Variants in FOXP1 observed in about 807,000 individuals in gnomAD.
FOXP1 encodes the protein forkhead box protein P1.
FOXP1 carries 15 observed loss-of-function variants against 98.2 expected under a neutral mutation model. That is an observed-to-expected ratio of 0.15 (90% CI 0.10 to 0.24). FOXP1 has a LOEUF of 0.24. FOXP1 is among the 10% of genes least tolerant of loss of function. FOXP1 has a pLI of 1.00. For missense variants in FOXP1, 633 were observed against 848.5 expected, an observed-to-expected ratio of 0.75 and a Z score of 3.15; for synonymous variants, 371 against 314.5, an observed-to-expected ratio of 1.18 and a Z score of -1.90.
intron 2 of FOXP1, among the ~76,000 whole-genome samples, chr3:71,552,336 C>T (rs768946724): frequency 6.6e-6 from 1 of 151,908 alleles, no homozygotes; most frequent in Non-Finnish European, 1.5e-5. Flanking sequence ...GAACTATGTA[C>T]ATATTAAAAA....
chr3:71,214,971 G>C (rs960059753), intron 5 of FOXP1, among the ~76,000 whole-genome samples: 8 of 152,304 alleles, frequency 5.3e-5, no homozygotes, highest in South Asian at 4.1e-4. Flanking sequence ...ACTACACAAA[G>C]CATGGTTCTG....
intron 2 of FOXP1, chr3:71,570,458 C>A (rs1228713477): frequency 6.6e-6 from 1 of 152,224 alleles, no homozygotes; most frequent in Non-Finnish European, 1.5e-5. Flanking sequence ...CTCTTTCAGC[C>A]TCCACTCAGC....
At position 71,112,520 on chromosome 3, in the gene FOXP1, G is replaced by GA; in HGVS notation, c.282+15dup. 6.3e-7 allele frequency: 1 copy of GA among 1,591,560 alleles called. No homozygotes were observed. The highest frequency in any genetic ancestry group is 8.6e-7 in the Non-Finnish European group (1 of 1,159,636). Reference sequence around the variant, plus strand: ...AAAGGGTATAATGTCAATTTAAAAAGAAAAAGAATTGTTACCTGAAGAGCT... The same window carrying GA: ...AAAGGGTATAATGTCAATTTAAAAAGAAAAAAGAATTGTTACCTGAAGAGCT... On this transcript the variant is annotated intron_variant, in intron 7 of 20. Coordinates refer to ENST00000649528, the MANE Select transcript of FOXP1 (RefSeq NM_001349338.3).
chr3:71,176,562 T>C (rs2061947665), intron 6 of FOXP1, among the ~76,000 whole-genome samples: 1 of 151,954 alleles, frequency 6.6e-6, no homozygotes. Context: ...CTGCCGAATT[T>C]CTGCTATTTC....
intron 3 of FOXP1, among the ~76,000 whole-genome samples, chr3:71,401,627 C>T (rs946822756): frequency 2.0e-5 from 3 of 152,146 alleles, no homozygotes; most frequent in East Asian, 1.9e-4. Flanking sequence ...AAAAGGGATG[C>T]GGGAGAGAGC....
chr3:71,174,330 G>A (rs1232452799), intron 6 of FOXP1, among the ~76,000 whole-genome samples: 1 of 152,102 alleles, frequency 6.6e-6, no homozygotes, highest in African/African-American at 2.4e-5. Context: ...CCCAGCTACT[G>A]GGGAGGGTGA....
At chr3:71,441,692 C>T (rs773392676) in intron 3 of FOXP1, among the ~76,000 whole-genome samples, 11 of 152,188 alleles carry the variant, frequency 7.2e-5, no homozygotes, top group South Asian at 2.1e-4. Context: ...ACCTCTGCTT[C>T]GTAAACCCTC....
At chr3:71,581,192 C>G (rs2048133743) in intron 2 of FOXP1, 3 of 985,112 alleles carry the variant, frequency 3.0e-6, no homozygotes, top group Non-Finnish European at 3.6e-6. Context: ...TGTAATCAGC[C>G]CAGCAAGGGT....
intron 6 of FOXP1, among the ~76,000 whole-genome samples, chr3:71,162,958 C>T (rs1185842030): frequency 6.6e-6 from 1 of 152,160 alleles, no homozygotes; most frequent in African/African-American, 2.4e-5. Flanking sequence ...TGTCTTTCCC[C>T]ATTAGAAGAT....
chr3:71,575,231 A>G (rs1381328934), intron 2 of FOXP1, among the ~76,000 whole-genome samples: 1 of 152,218 alleles, frequency 6.6e-6, no homozygotes, highest in Non-Finnish European at 1.5e-5. Flanking sequence ...ATTAAAAACA[A>G]CACAGGATGG....
At position 71,564,868 on chromosome 3, in the gene FOXP1, A is replaced by G. The variant is rs547062161; in HGVS notation, c.-298+16681T>C. On this transcript the variant is annotated intron_variant, in intron 2 of 20. Transcript: ENST00000649528. ...AGTGGCTCAGGCCTGTAATCTCAGC[A>G]CTTTGGGAGGCTGAGGTGGGTGGAT... Among the ~76,000 whole-genome samples, 10 of 152,282 alleles carry G rather than the reference A, an allele frequency of 6.6e-5. No homozygotes were observed. The South Asian group carries it at 1.7e-3, about 25-fold the overall frequency.
chr3:71,262,442 G>C (rs1182481733), intron 5 of FOXP1, among the ~76,000 whole-genome samples: 1 of 151,354 alleles, frequency 6.6e-6, no homozygotes, highest in Non-Finnish European at 1.5e-5. Flanking sequence ...AATACTTCCA[G>C]AAATAAATAA....
chr3:71,260,652 C>A (rs1019966624), intron 5 of FOXP1, among the ~76,000 whole-genome samples: 9 of 151,722 alleles, frequency 5.9e-5, no homozygotes, highest in African/African-American at 2.2e-4. Context: ...AAGCAATTCT[C>A]CTGCCCCAGC....
chr3:71,086,191 T>A (rs2055078913), intron 7 of FOXP1, among the ~76,000 whole-genome samples: 1 of 152,174 alleles, frequency 6.6e-6, no homozygotes, highest in South Asian at 2.1e-4. Flanking sequence ...TTGAAATCCA[T>A]CACAACTGTA....
At chr3:71,139,040 A>C (rs549239930) in intron 6 of FOXP1, among the ~76,000 whole-genome samples, 4 of 152,386 alleles carry the variant, frequency 2.6e-5, no homozygotes, top group African/African-American at 9.6e-5. Context: ...AAATAAAAAT[A>C]CAAATGCAAG....
In FOXP1 at chr3:71,406,403, G is replaced by GTATATATATATATA. The variant is rs112681983; in HGVS notation, c.-167-47160_-167-47159insTATATATATATATA. ...TTTAATTGACACATAATAACTGTAT[G>GTATATATATATATA]TGTATATATATATATATATATGGTA... On this transcript the variant is annotated intron_variant, in intron 3 of 20. Coordinates refer to ENST00000649528, the MANE Select transcript of FOXP1 (RefSeq NM_001349338.3). 2.6e-4 allele frequency among the ~76,000 whole-genome samples: 28 copies of GTATATATATATATA among 107,944 alleles called. 1 individual carries two copies. The highest frequency in any genetic ancestry group is 3.7e-4 in the Non-Finnish European group (17 of 46,154). The allele number at this position is 107,944 out of a possible 152,430, so 70.8% of individuals were successfully genotyped here. A position where few individuals can be genotyped will look rare whatever the true frequency, so the allele number is the denominator to read the frequency against.
At chr3:71,456,168 G>A (rs909929605) in intron 3 of FOXP1, among the ~76,000 whole-genome samples, 1 of 152,148 alleles carries the variant, frequency 6.6e-6, no homozygotes, top group Non-Finnish European at 1.5e-5. Context: ...CCCTAGCAAA[G>A]ATATATGGGG....
intron 3 of FOXP1, among the ~76,000 whole-genome samples, chr3:71,439,714 T>C (rs968144700): frequency 7.2e-5 from 11 of 152,034 alleles, no homozygotes; most frequent in African/African-American, 2.4e-4. Context: ...GAGGCCGAGG[T>C]AGGCAGGTCA....
intron 5 of FOXP1, among the ~76,000 whole-genome samples, chr3:71,232,966 T>G (rs1350830118): frequency 1.4e-5 from 2 of 143,696 alleles, no homozygotes; most frequent in Non-Finnish European, 3.0e-5. Flanking sequence ...CCACCACGAC[T>G]ACTACTACTA....
Sources: allele counts gnomAD v4.1 joint callset (sites outside exome capture counted in the v4.1 genomes callset), GRCh38; gene constraint gnomAD v4.1.1; transcripts MANE v1.5; gene names NCBI Gene and HGNC (gene_info 2026-07-23, HGNC 2026-07-21).